The following EPB41L2 variants were observed in gnomAD, a reference collection of about 807,000 sequenced individuals.
EPB41L2 encodes the protein band 4.1-like protein 2.
A neutral mutation model predicts 113.0 loss-of-function variants in EPB41L2; 43 were observed. The ratio of observed to expected loss-of-function variants is 0.38; its 90% CI spans 0.30 to 0.49. EPB41L2 has a LOEUF of 0.49. Ranked by LOEUF, EPB41L2 falls within the 20% of genes least tolerant of loss-of-function variation. EPB41L2 has a pLI of 0.95. For synonymous variants in EPB41L2, 442 were observed against 436.7 expected, an observed-to-expected ratio of 1.01 and a Z score of -0.15; for missense variants, 1,147 against 1,223.4, an observed-to-expected ratio of 0.94 and a Z score of 0.93.
At chr6:130,855,073 G>A (rs1389431290) in intron 19 of EPB41L2, among the ~76,000 whole-genome samples, 1 of 151,702 alleles carries the variant, frequency 6.6e-6, no homozygotes, top group African/African-American at 2.4e-5. Context: ...AGGGGGCCAG[G>A]CACAGTGGCT....
intron 1 of EPB41L2, among the ~76,000 whole-genome samples, chr6:131,012,283 G>A (rs776848152): frequency 2.0e-5 from 3 of 151,030 alleles, no homozygotes; most frequent in East Asian, 1.9e-4. Context: ...AGCTTCTAAC[G>A]GATTAGATTT....
At chr6:131,020,067 T>C (rs1789096609) in intron 1 of EPB41L2, among the ~76,000 whole-genome samples, 1 of 152,130 alleles carries the variant, frequency 6.6e-6, no homozygotes, top group African/African-American at 2.4e-5. Context: ...ATTTTGCTGG[T>C]ATTTTCAAAA....
intron 1 of EPB41L2, among the ~76,000 whole-genome samples, chr6:130,961,501 C>G (rs552258388): frequency 6.6e-6 from 1 of 152,276 alleles, no homozygotes; most frequent in South Asian, 2.1e-4. Flanking sequence ...TATCACTAGG[C>G]TGAACTGCCA....
Position 130,951,270 on chromosome 6 carries a change from GA to G in EPB41L2, c.705+3834del, listed in dbSNP as rs1292262721. ...ACTGTCTCCAAAAAAAAAGGAGGGG[GA>G]GGGGGGGAGGGGAGGAGAAAAAAGA... On this transcript the variant is annotated intron_variant, in intron 3 of 19. Transcript: ENST00000337057. Among the ~76,000 whole-genome samples, 14 of 139,632 alleles carry G rather than the reference GA, an allele frequency of 1.0e-4. 1 individual carries two copies. Among genetic ancestry groups the G allele is most frequent in the East Asian group, 2.2e-4 (1 of 4,578 alleles). The allele number at this position is 139,632 out of a possible 152,430, so 91.6% of individuals were successfully genotyped here. A position where few individuals can be genotyped will look rare whatever the true frequency, so the allele number is the denominator to read the frequency against.
intron 1 of EPB41L2, among the ~76,000 whole-genome samples, chr6:130,979,254 G>C (rs1249684765): frequency 6.6e-6 from 1 of 152,018 alleles, no homozygotes; most frequent in African/African-American, 2.4e-5. Context: ...GGGAGGCTGT[G>C]GTGGGTTGAC....
chr6:131,035,916 C>G (rs553859209), intron 1 of EPB41L2, among the ~76,000 whole-genome samples: 76 of 152,184 alleles, frequency 5.0e-4, no homozygotes, highest in African/African-American at 1.8e-3. Context: ...AGTTTGGAGG[C>G]CAGAATAGAC....
chr6:130,881,764 T>C (rs943568812), intron 12 of EPB41L2: 1 of 152,166 alleles, frequency 6.6e-6, no homozygotes, highest in Non-Finnish European at 1.5e-5. Context: ...TAGTGTTATA[T>C]AGTCTAAATT....
At chr6:130,887,890 T>C (rs1340906902) in intron 11 of EPB41L2, among the ~76,000 whole-genome samples, 3 of 152,196 alleles carry the variant, frequency 2.0e-5, no homozygotes, top group African/African-American at 7.2e-5. Flanking sequence ...TTTGTCTTCT[T>C]TGGGGTTTGA....
At chr6:130,880,340 TAAAGCCACAAC>T in intron 12 of EPB41L2, 134 bp from the exon 13 acceptor site, 1 of 649,778 alleles carries the variant, frequency 1.5e-6, no homozygotes, top group Non-Finnish European at 2.7e-6. Context: ...CTTATGAACT[TAAAGCCACAAC>T]AAACACAACT....
rs567341923 is a variant in EPB41L2, at chr6:130,951,867, C to T, written c.705+3238G>A. ...ATGGTTCTACCATGTTTTCTCTTCC[C>T]TTTATCATGAAACCAGCATATCCCA... is the stretch of plus-strand genomic sequence containing the variant. On this transcript the variant is annotated intron_variant, in intron 3 of 19. Transcript: ENST00000337057. Among the ~76,000 whole-genome samples, 16 of 151,946 alleles carry T rather than the reference C, an allele frequency of 1.1e-4. No individual in the cohort carries two copies. In the South Asian group the frequency reaches 3.3e-3, roughly 32 times the overall value.
intron 8 of EPB41L2, among the ~76,000 whole-genome samples, chr6:130,897,455 ACTT>A (rs1418313281): frequency 6.6e-6 from 1 of 152,184 alleles, no homozygotes; most frequent in African/African-American, 2.4e-5. Flanking sequence ...AGAGTATTAT[ACTT>A]AGAACAGAGT....
chr6:130,951,070 A>C (rs1814745791), intron 3 of EPB41L2, among the ~76,000 whole-genome samples: 1 of 152,034 alleles, frequency 6.6e-6, no homozygotes. Flanking sequence ...CAGCCTGGCC[A>C]ATGTGGTGAA....
At chr6:130,903,486 T>C (rs1423495806) in intron 6 of EPB41L2, among the ~76,000 whole-genome samples, 1 of 151,976 alleles carries the variant, frequency 6.6e-6, no homozygotes, top group African/African-American at 2.4e-5. Context: ...TTATGAACTC[T>C]TAACCACTTC....
chr6:131,008,665 G>T (rs1786187564), intron 1 of EPB41L2, among the ~76,000 whole-genome samples: 1 of 152,252 alleles, frequency 6.6e-6, no homozygotes, highest in Non-Finnish European at 1.5e-5. Flanking sequence ...ACCCTGCAAA[G>T]CCACAGGGGT....
chr6:131,039,996 G>T (rs35273150), intron 1 of EPB41L2, among the ~76,000 whole-genome samples: 2 of 152,070 alleles, frequency 1.3e-5, no homozygotes, highest in South Asian at 4.1e-4. Context: ...ATTTTGCTCA[G>T]AAAATTGCAA....
intron 10 of EPB41L2, among the ~76,000 whole-genome samples, chr6:130,892,258 G>GCTC (rs1793126527): frequency 6.6e-6 from 1 of 152,016 alleles, no homozygotes; most frequent in South Asian, 2.1e-4. Context: ...TGGCTGCTGT[G>GCTC]CTCCTCCACA....
rs150422330 is a variant in EPB41L2, at chr6:130,970,825, T to C, written c.-14-14326A>G. ...ACAGTACCAAACCCAACTCATCAAT[T>C]GGAATGTGTTTCTTCTGTTCATGTC... On this transcript the variant is annotated intron_variant, in intron 1 of 19. Transcript: ENST00000337057. Among the ~76,000 whole-genome samples the C allele has an allele frequency of 4.2e-3, 633 of 152,302 alleles. 5 individuals carry two copies. The highest frequency in any genetic ancestry group is 0.013 in the South Asian group (63 of 4,828).
chr6:130,980,158 G>A (rs982656437), intron 1 of EPB41L2, among the ~76,000 whole-genome samples: 2 of 152,192 alleles, frequency 1.3e-5, no homozygotes, highest in Non-Finnish European at 2.9e-5. Context: ...AGCAAGTTCA[G>A]TGGCTAGGAG....
At chr6:130,890,530 A>T in intron 10 of EPB41L2, 64 bp from the exon 11 acceptor site, 3 of 1,526,642 alleles carry the variant, frequency 2.0e-6, no homozygotes, top group Non-Finnish European at 2.6e-6. Flanking sequence ...ACTTTACGGA[A>T]TTTTTTAAAA....
Sources: gnomAD v4.1 joint callset for allele counts (sites outside exome capture counted in the v4.1 genomes callset) on GRCh38, gnomAD v4.1.1 for gene constraint, MANE v1.5 for transcripts, NCBI Gene and HGNC (gene_info 2026-07-23, HGNC 2026-07-21) for gene names.